The following TTC39C variants were observed in gnomAD, a reference collection of about 807,000 sequenced individuals.
TTC39C encodes tetratricopeptide repeat domain 39C, also known as tetratricopeptide repeat protein 39C.
Under a neutral mutation model 76.3 loss-of-function variants are expected in TTC39C, and 33 were observed. The observed-to-expected ratio is 0.43, with a 90% CI of 0.33 to 0.58. The LOEUF (loss-of-function observed/expected upper bound fraction) is 0.58, where lower values mean the gene tolerates loss of function less well. Among genes scored for constraint, TTC39C ranks in the 20% least tolerant of loss-of-function variants. The probability of loss-of-function intolerance (pLI) is 0.04; values close to 1 mark genes in which losing one functional copy is unlikely to be tolerated. For synonymous variants in TTC39C, 254 were observed against 260.6 expected, an observed-to-expected ratio of 0.97 and a Z score of 0.24; for missense variants, 595 against 701.4, an observed-to-expected ratio of 0.85 and a Z score of 1.71.
chr18:24,101,303 C>CAAAAAA (rs548710811), intron 6 of TTC39C, among the ~76,000 whole-genome samples: 1 of 64,776 alleles, frequency 1.5e-5, no homozygotes, highest in Non-Finnish European at 3.2e-5. Context: ...TTTAATTTTT[C>CAAAAAA]ATAAAAAAAA....
rs2085165870 is a variant in TTC39C at position 24,133,983 on chromosome 18, C to T, written c.*1409C>T. The T allele has an allele frequency of 1.3e-5, 2 of 152,884 alleles. No individual in the cohort carries two copies. Among genetic ancestry groups the T allele is most frequent in the Non-Finnish European group, 1.5e-5 (1 of 68,142 alleles). 9.5% of individuals were successfully genotyped at this position (152,884 alleles called of 1,614,324 possible). A position where few individuals can be genotyped will look rare whatever the true frequency, so the allele number is the denominator to read the frequency against. ...GTTGGCAAATTTTATCTGATTTGAC[C>T]TTGTTTTGAGGGAATAGTCATAATT... On this transcript the variant is annotated 3_prime_UTR_variant, in exon 14 of 14. Transcript: ENST00000317571.
At chr18:24,038,245 C>T (rs1332918814) in intron 1 of TTC39C, among the ~76,000 whole-genome samples, 3 of 146,454 alleles carry the variant, frequency 2.0e-5, no homozygotes, top group Non-Finnish European at 3.0e-5. Flanking sequence ...AAGAAGTGCC[C>T]GTCTGATGAG....
At chr18:24,013,755 G>A (rs2083411898), upstream of TTC39C, among the ~76,000 whole-genome samples, 1 of 152,210 alleles carries the variant, frequency 6.6e-6, no homozygotes, top group Non-Finnish European at 1.5e-5. Context: ...AAAACATAAA[G>A]ATGATTTATG....
chr18:24,069,468 GTC>G (rs2145739077), intron 4 of TTC39C, among the ~76,000 whole-genome samples, 197 bp downstream of exon 4: 1 of 152,266 alleles, frequency 6.6e-6, no homozygotes, highest in African/African-American at 2.4e-5. Flanking sequence ...TTGTGCCAGA[GTC>G]TGTTTCATCC....
intron 6 of TTC39C, among the ~76,000 whole-genome samples, chr18:24,097,217 G>A (rs138864533): frequency 1.9e-3 from 296 of 152,174 alleles, no homozygotes; most frequent in African/African-American, 6.8e-3. Flanking sequence ...TTGTCCCCAC[G>A]CCCAGAAAAT....
intron 6 of TTC39C, among the ~76,000 whole-genome samples, chr18:24,108,609 T>C (rs953516240): frequency 2.6e-5 from 4 of 152,238 alleles, no homozygotes; most frequent in African/African-American, 9.6e-5. Flanking sequence ...ATTTATATGT[T>C]GAGATCTTTA....
chr18:24,110,912 G>C (rs552751961), intron 6 of TTC39C, among the ~76,000 whole-genome samples: 75 of 152,210 alleles, frequency 4.9e-4, no homozygotes, highest in African/African-American at 1.8e-3. Context: ...TAGTTAATGA[G>C]ACAAAAGCCT....
chr18:24,107,620 C>G (rs189979991), intron 6 of TTC39C, among the ~76,000 whole-genome samples: 1 of 152,220 alleles, frequency 6.6e-6, no homozygotes, highest in East Asian at 1.9e-4. Flanking sequence ...TGTTCCTTTG[C>G]TCCTCCTTCG....
chr18:24,110,162 G>A (rs2084792947), intron 6 of TTC39C, among the ~76,000 whole-genome samples: 1 of 152,142 alleles, frequency 6.6e-6, no homozygotes, highest in Non-Finnish European at 1.5e-5. Flanking sequence ...CCTGCATTAA[G>A]GAAATCATTG....
intron 4 of TTC39C, among the ~76,000 whole-genome samples, chr18:24,078,643 A>G (rs1223384247): frequency 6.6e-6 from 1 of 152,224 alleles, no homozygotes; most frequent in African/African-American, 2.4e-5. Context: ...AATTTGCTCC[A>G]GCAACGAGTT....
At chr18:24,126,202 GA>G (rs943681308) in intron 10 of TTC39C, among the ~76,000 whole-genome samples, 3 of 149,796 alleles carry the variant, frequency 2.0e-5, no homozygotes, top group South Asian at 2.1e-4. Context: ...AGAAAAAGGG[GA>G]AAAAAAAAGA....
At chr18:24,042,097 A>T (rs1205497264) in intron 1 of TTC39C, among the ~76,000 whole-genome samples, 1 of 152,208 alleles carries the variant, frequency 6.6e-6, no homozygotes, top group African/African-American at 2.4e-5. Context: ...AAGTCGACCC[A>T]TGTTGATCTA....
chr18:24,114,257 A>AAGGC lies in TTC39C; in HGVS notation c.985-294_985-293insCAGG, dbSNP rs2084860306. 20 of 301,670 alleles carry AAGGC rather than the reference A, an allele frequency of 6.6e-5. 1 individual carries two copies. In the Admixed American group the frequency reaches 9.3e-4, roughly 14 times the overall value. The allele number at this position is 301,670 out of a possible 1,614,324, so 18.7% of individuals were successfully genotyped here. On this transcript the variant is annotated intron_variant, in intron 6 of 13. Transcript: ENST00000317571. ...AGCCCTTACCACCTGAGTGAAGGAG[A>AAGGC]AGGTGGGTGTGAGCTGAGCCCTTAA... is the stretch of plus-strand genomic sequence containing the variant.
rs377108643 is a variant in TTC39C at position 24,001,832 on chromosome 18, T to TTTTGG, written c.-17+8797_-17+8798insGGTTT. On this transcript the variant is annotated intron_variant, in intron 1 of 13. Transcript: ENST00000304621. ...GGTGTACGGTAATTCTGTTTTTTTT[T>TTTTGG]TTTTTTTTTTTGAGACGGAGTCTCG... Among the ~76,000 whole-genome samples the TTTTGG allele has an allele frequency of 5.1e-4, 69 of 134,336 alleles. 1 individual carries two copies. Among genetic ancestry groups the TTTTGG allele is most frequent in the Non-Finnish European group, 7.6e-4 (49 of 64,812 alleles). 88.1% of individuals were successfully genotyped at this position (134,336 alleles called of 152,430 possible).
chr18:24,088,830 A>T (rs550270016), intron 6 of TTC39C, among the ~76,000 whole-genome samples: 1 of 151,996 alleles, frequency 6.6e-6, no homozygotes, highest in African/African-American at 2.4e-5. Context: ...TCAATTCCCT[A>T]CGAAGCTCTG....
intron 1 of TTC39C, among the ~76,000 whole-genome samples, chr18:24,005,844 CA>C (rs71746829): frequency 1.5e-3 from 183 of 122,906 alleles, no homozygotes; most frequent in East Asian, 8.0e-3. Context: ...GACCCTGTCT[CA>C]AAAAAAAAAA....
chr18:24,008,659 G>C (rs146359382), intron 1 of TTC39C, among the ~76,000 whole-genome samples: 1 of 152,084 alleles, frequency 6.6e-6, no homozygotes. Flanking sequence ...ATTCCTATTC[G>C]ACCCAGCATT....
chr18:24,017,796 AG>A (rs2083471739), intron 1 of TTC39C, among the ~76,000 whole-genome samples: 1 of 152,212 alleles, frequency 6.6e-6, no homozygotes, highest in Admixed American at 6.5e-5. Flanking sequence ...TGTTTATCAC[AG>A]GGGGACACCC....
intron 1 of TTC39C, among the ~76,000 whole-genome samples, chr18:24,041,950 G>A (rs1049235465): frequency 2.0e-5 from 3 of 151,964 alleles, no homozygotes; most frequent in African/African-American, 4.8e-5. Context: ...CATCAAGCTG[G>A]TATATGTCTT....
Sources: allele counts gnomAD v4.1 joint callset (sites outside exome capture counted in the v4.1 genomes callset), GRCh38; gene constraint gnomAD v4.1.1; transcripts MANE v1.5; gene names NCBI Gene and HGNC (gene_info 2026-07-23, HGNC 2026-07-21).